CFAP47: variants seen among roughly 807,000 people sequenced by gnomAD.
The protein encoded by CFAP47 is cilia- and flagella-associated protein 47.
Under a neutral mutation model 148.1 loss-of-function variants are expected in CFAP47, and 29 were observed. The ratio of observed to expected loss-of-function variants is 0.20; its 90% CI spans 0.15 to 0.27. The LOEUF (loss-of-function observed/expected upper bound fraction) is 0.27, where lower values mean the gene tolerates loss of function less well. Ranked by LOEUF, CFAP47 falls within the 10% of genes least tolerant of loss-of-function variation. The pLI, the probability that CFAP47 is intolerant of heterozygous loss-of-function variation, is 1.00. For synonymous variants in CFAP47, 664 were observed against 577.3 expected, an observed-to-expected ratio of 1.15 and a Z score of -2.15; for missense variants, 1,872 against 1,697.5, an observed-to-expected ratio of 1.10 and a Z score of -1.81.
At chrX:36,343,301 A>G (rs1305763340) in intron 57 of CFAP47, among the ~76,000 whole-genome samples, 1 of 112,199 alleles carries the variant, frequency 8.9e-6, no homozygotes, top group African/African-American at 3.2e-5. Context: ...TCAAAAGAAG[A>G]CATTTATGCA....
At chrX:35,941,739 G>T (rs1451023042) in intron 3 of CFAP47, among the ~76,000 whole-genome samples, 1 of 111,292 alleles carries the variant, frequency 9.0e-6, no homozygotes, top group African/African-American at 3.3e-5. Flanking sequence ...TATTTTTAAG[G>T]ATTTTGAACT....
chrX:36,358,456 ATGCTAATGG>A (rs1313763773), intron 60 of CFAP47, among the ~76,000 whole-genome samples: 2 of 112,199 alleles, frequency 1.8e-5, no homozygotes, highest in Non-Finnish European at 3.8e-5. Flanking sequence ...CCAGACAATG[ATGCTAATGG>A]TGCTAATGGT....
chrX:36,171,371 C>T (rs995316244), intron 39 of CFAP47, among the ~76,000 whole-genome samples: 6 of 110,912 alleles, frequency 5.4e-5, no homozygotes, highest in African/African-American at 2.0e-4. Flanking sequence ...AAGTCCTTGC[C>T]CATGCTTGTG....
At chrX:35,987,179 G>GT (rs1936727493) in intron 15 of CFAP47, among the ~76,000 whole-genome samples, 2 of 111,636 alleles carry the variant, frequency 1.8e-5, no homozygotes, top group African/African-American at 3.3e-5. Context: ...AGGCAGGAAA[G>GT]TTTAAGTCTG....
At chrX:36,238,248 A>G (rs181163841) in intron 48 of CFAP47, among the ~76,000 whole-genome samples, 3 of 111,227 alleles carry the variant, frequency 2.7e-5, no homozygotes, top group Non-Finnish European at 3.8e-5. Flanking sequence ...GTCTCATGAG[A>G]TCTGATGGTT....
intron 27 of CFAP47, 89 bp from the exon 28 acceptor site, chrX:36,071,736 A>T: frequency 1.3e-6 from 1 of 784,817 alleles, no homozygotes; most frequent in Non-Finnish European, 1.9e-6. Flanking sequence ...ATACATCAAT[A>T]GATAATAGAT....
At chrX:36,131,189 A>G (rs934410264) in intron 33 of CFAP47, among the ~76,000 whole-genome samples, 2 of 111,111 alleles carry the variant, frequency 1.8e-5, no homozygotes, top group African/African-American at 6.5e-5. Flanking sequence ...AAATATATGC[A>G]TCTACTATGT....
chrX:36,124,085 G>A (rs1938795849), intron 33 of CFAP47, among the ~76,000 whole-genome samples: 3 of 111,531 alleles, frequency 2.7e-5, no homozygotes, highest in African/African-American at 3.3e-5. Context: ...GTAGTGTCCA[G>A]GAGCTGAGTT....
intron 49 of CFAP47, among the ~76,000 whole-genome samples, chrX:36,261,320 CTTTTTTT>C (rs143068749): frequency 7.3e-4 from 15 of 20,448 alleles, no homozygotes; most frequent in Non-Finnish European, 1.2e-3. Flanking sequence ...AGATACTATT[CTTTTTTT>C]TTTTTTTTTT....
intron 32 of CFAP47, among the ~76,000 whole-genome samples, chrX:36,102,772 C>G (rs913208141): frequency 9.0e-6 from 1 of 111,338 alleles, no homozygotes; most frequent in African/African-American, 3.3e-5. Context: ...TGATGGGGGT[C>G]CTTTTCAAAG....
Position 35,956,174 on chromosome X carries a change from A to C in CFAP47, c.1388A>C (p.Lys463Thr). Residue 463 changes from lysine to threonine, a missense_variant, in exon 8 of 64, where the codon AAG becomes ACG. Coordinates refer to ENST00000378653, the MANE Select transcript of CFAP47 (RefSeq NM_001304548.2). Reference sequence around the variant, plus strand: ...TTTGAAATTGATCCTGAAAAGGGCAAGATTACTGGAGGGGGTATGGTGGTA... The same window carrying C: ...TTTGAAATTGATCCTGAAAAGGGCACGATTACTGGAGGGGGTATGGTGGTA... ...ANFEIDPEKG[K>T]ITGGGMVDVM... 1 of 1,205,888 alleles carries C rather than the reference A, an allele frequency of 8.3e-7. No homozygotes were observed. The highest frequency in any genetic ancestry group is 1.1e-6 in the Non-Finnish European group (1 of 890,128).
At chrX:36,336,244 G>GACACACACACACAC (rs781925226) in intron 57 of CFAP47, among the ~76,000 whole-genome samples, 3 of 65,705 alleles carry the variant, frequency 4.6e-5, no homozygotes, top group Non-Finnish European at 5.8e-5. Flanking sequence ...CAGACACACA[G>GACACACACACACAC]ACACACACAC....
At chrX:36,072,420 TCTAA>T (rs1318784636) in intron 28 of CFAP47, among the ~76,000 whole-genome samples, 2 of 112,224 alleles carry the variant, frequency 1.8e-5, no homozygotes, top group African/African-American at 6.5e-5. Context: ...CTCTTCGTTG[TCTAA>T]CTAACTGTAG....
At chrX:35,942,384 C>T (rs41411647) in intron 3 of CFAP47, among the ~76,000 whole-genome samples, 7,456 of 110,678 alleles carry the variant, frequency 0.067, 660 homozygotes, top group African/African-American at 0.23. Context: ...AACTCATAAC[C>T]GTTCCACATT....
At chrX:36,219,005 C>A (rs1648943646) in intron 45 of CFAP47, among the ~76,000 whole-genome samples, 1 of 111,141 alleles carries the variant, frequency 9.0e-6, no homozygotes, top group Admixed American at 9.6e-5. Flanking sequence ...GTAGATGAAG[C>A]CTCCGGATAG....
At chrX:36,352,834 AAT>A (rs1435669125) in intron 59 of CFAP47, among the ~76,000 whole-genome samples, 2 of 109,370 alleles carry the variant, frequency 1.8e-5, no homozygotes, top group Non-Finnish European at 3.8e-5. Flanking sequence ...ATACATATGA[AAT>A]ATATTTATAT....
chrX:36,212,950 T>A, intron 45 of CFAP47, among the ~76,000 whole-genome samples: 1 of 110,662 alleles, frequency 9.0e-6, no homozygotes, highest in Non-Finnish European at 1.9e-5. Flanking sequence ...CCATCTCTAC[T>A]GAAAACATAA....
chrX:36,233,437 C>T (rs1555993172), intron 46 of CFAP47, among the ~76,000 whole-genome samples: 1 of 110,651 alleles, frequency 9.0e-6, no homozygotes, highest in African/African-American at 3.3e-5. Context: ...GGATTGCAAC[C>T]CCTGCCTTTT....
intron 45 of CFAP47, among the ~76,000 whole-genome samples, chrX:36,217,657 C>T (rs937537109): frequency 3.6e-5 from 4 of 111,370 alleles, no homozygotes; most frequent in African/African-American, 1.3e-4. Flanking sequence ...TGGTTTTCTG[C>T]GCAATCCAAA....
Sources: gnomAD v4.1 joint callset for allele counts (sites outside exome capture counted in the v4.1 genomes callset) on GRCh38, gnomAD v4.1.1 for gene constraint, MANE v1.5 for transcripts, NCBI Gene and HGNC (gene_info 2026-07-23, HGNC 2026-07-21) for gene names.